RASAL2: variants seen among roughly 807,000 people sequenced by gnomAD.
RASAL2 encodes the protein RAS protein activator like 2, also known as ras GTPase-activating protein nGAP.
RASAL2 carries 58 observed loss-of-function variants against 128.9 expected under a neutral mutation model. That is an observed-to-expected ratio of 0.45 (90% CI 0.36 to 0.56). RASAL2 has a LOEUF of 0.56. RASAL2 is among the 20% of genes least tolerant of loss of function. The pLI is 0.00. For synonymous variants in RASAL2, 561 were observed against 580.8 expected, an observed-to-expected ratio of 0.97 and a Z score of 0.49; for missense variants, 1,360 against 1,601.6, an observed-to-expected ratio of 0.85 and a Z score of 2.57.
intron 3 of RASAL2, chr1:178,341,712 T>A (rs1227128446): frequency 6.6e-7 from 1 of 1,511,670 alleles, no homozygotes; most frequent in African/African-American, 1.4e-5. Flanking sequence ...ACCTTTATGA[T>A]TATTGGCTTT....
chr1:178,320,905 C>T (rs1395424850), intron 3 of RASAL2, among the ~76,000 whole-genome samples: 1 of 152,138 alleles, frequency 6.6e-6, no homozygotes, highest in Non-Finnish European at 1.5e-5. Context: ...TTGAGTTATT[C>T]CCAGTTAAGC....
intron 1 of RASAL2, among the ~76,000 whole-genome samples, chr1:178,166,136 G>A (rs1661508769): frequency 6.6e-6 from 1 of 152,132 alleles, no homozygotes; most frequent in Non-Finnish European, 1.5e-5. Flanking sequence ...TGTCCCTTGT[G>A]CTATAAATAA....
intron 3 of RASAL2, among the ~76,000 whole-genome samples, chr1:178,385,395 C>A (rs1284091393): frequency 1.3e-5 from 2 of 152,084 alleles, no homozygotes; most frequent in Non-Finnish European, 1.5e-5. Context: ...CCAGATCATA[C>A]CACTGCACTC....
At chr1:178,345,677 T>G (rs939419423) in intron 3 of RASAL2, among the ~76,000 whole-genome samples, 3 of 152,166 alleles carry the variant, frequency 2.0e-5, no homozygotes, top group African/African-American at 7.2e-5. Context: ...TCAATCACTC[T>G]TCTTTCCAGG....
chr1:178,356,028 G>A (rs1187002524), intron 3 of RASAL2, among the ~76,000 whole-genome samples: 2 of 152,012 alleles, frequency 1.3e-5, no homozygotes, highest in African/African-American at 4.8e-5. Context: ...AAATTAGCCG[G>A]GATGGTGGCG....
In RASAL2 at chr1:178,458,383, C is replaced by G. The variant is rs1297727789; in HGVS notation, c.3091C>G (p.His1031Asp). 10 of 1,614,104 alleles carry G rather than the reference C, an allele frequency of 6.2e-6. 1 individual carries two copies. The highest frequency in any genetic ancestry group is 7.6e-6 in the Non-Finnish European group (9 of 1,180,052). ...AGCCAAAGCCCCACCATCCCTGCCA[C>G]ACAGTGCTTCTTTACGTAGCACCGG... ...ARAKAPPSLP[H>D]SASLRSTGSM... The change falls in exon 14 of 18, where the codon CAC (histidine) becomes GAC (aspartate). Residue 1031 changes from histidine (H) to aspartate (D), a missense_variant. Physicochemically the swap from His to Asp is moderately conservative, Grantham distance 81. Around this residue, in one of 3 missense-constraint regions of RASAL2, gnomAD observed 741 missense variants for 868.6 expected, o/e 0.85. Coordinates refer to ENST00000367649, the MANE Select transcript of RASAL2 (RefSeq NM_170692.4).
intron 5 of RASAL2, among the ~76,000 whole-genome samples, chr1:178,427,675 G>C (rs1675598914): frequency 6.6e-6 from 1 of 152,000 alleles, no homozygotes. Flanking sequence ...CCCCAATAGT[G>C]AGGTCTTATA....
chr1:178,355,989 C>T (rs1156690667), intron 3 of RASAL2, among the ~76,000 whole-genome samples: 2 of 151,836 alleles, frequency 1.3e-5, no homozygotes, highest in Non-Finnish European at 2.9e-5. Flanking sequence ...GCCAGGATGG[C>T]GAAACCCCAT....
chr1:178,133,485 C>CTT (rs928071975), intron 1 of RASAL2, among the ~76,000 whole-genome samples: 19 of 137,070 alleles, frequency 1.4e-4, no homozygotes, highest in African/African-American at 4.3e-4. Context: ...CCTGTTACTT[C>CTT]TTTTTTTTTT....
chr1:178,365,179 A>C (rs1403189779), intron 3 of RASAL2, among the ~76,000 whole-genome samples: 1 of 152,112 alleles, frequency 6.6e-6, no homozygotes, highest in South Asian at 2.1e-4. Flanking sequence ...TCCTTGTTAC[A>C]TTGTGGCTTT....
At chr1:178,250,217 G>C (rs1402615289) in intron 1 of RASAL2, among the ~76,000 whole-genome samples, 1 of 152,160 alleles carries the variant, frequency 6.6e-6, no homozygotes, top group Non-Finnish European at 1.5e-5. Context: ...AGGGAGATGG[G>C]AGTTTTATCA....
At chr1:178,187,236 C>A (rs1008205053) in intron 1 of RASAL2, among the ~76,000 whole-genome samples, 1 of 152,108 alleles carries the variant, frequency 6.6e-6, no homozygotes, top group African/African-American at 2.4e-5. Context: ...TTTTCCCCCA[C>A]TCTGTTTTTC....
At chr1:178,246,177 T>C (rs1355437662) in intron 1 of RASAL2, among the ~76,000 whole-genome samples, 1 of 152,248 alleles carries the variant, frequency 6.6e-6, no homozygotes. Context: ...ATTTTCACGA[T>C]ATTGATTCTT....
At chr1:178,247,341 GT>G (rs150731833) in intron 1 of RASAL2, among the ~76,000 whole-genome samples, 40,706 of 151,342 alleles carry the variant, frequency 0.27, 6,274 homozygotes, top group African/African-American at 0.44. Context: ...TAGAATTTCC[GT>G]TTTTTTTGCA....
At chr1:178,157,882 A>G (rs1048866775) in intron 1 of RASAL2, among the ~76,000 whole-genome samples, 3 of 152,194 alleles carry the variant, frequency 2.0e-5, no homozygotes, top group African/African-American at 7.2e-5. Flanking sequence ...TAAAAATATC[A>G]ATATTTTATT....
intron 3 of RASAL2, among the ~76,000 whole-genome samples, chr1:178,301,304 G>A (rs1357158364): frequency 1.3e-5 from 2 of 152,092 alleles, no homozygotes; most frequent in Non-Finnish European, 2.9e-5. Flanking sequence ...CTAAAAACCT[G>A]TCTGGGTGTA....
At chr1:178,408,124 T>A (rs765369698) in intron 4 of RASAL2, among the ~76,000 whole-genome samples, 5 of 152,160 alleles carry the variant, frequency 3.3e-5, no homozygotes, top group Admixed American at 6.5e-5. Context: ...GTACCTTTTT[T>A]AAAAAAATAA....
intron 1 of RASAL2, among the ~76,000 whole-genome samples, chr1:178,120,716 T>C (rs1205714360): frequency 6.6e-6 from 1 of 152,206 alleles, no homozygotes; most frequent in Non-Finnish European, 1.5e-5. Context: ...TTGCAGCCAC[T>C]CACCAGCGCT....
chr1:178,450,351 C>T (rs1182256771), intron 9 of RASAL2, among the ~76,000 whole-genome samples: 1 of 151,998 alleles, frequency 6.6e-6, no homozygotes, highest in Admixed American at 6.6e-5. Context: ...TTTCCAGGCC[C>T]CACAGTCAGT....
Sources: allele counts gnomAD v4.1 joint callset (sites outside exome capture counted in the v4.1 genomes callset), GRCh38; gene constraint gnomAD v4.1.1; regional missense constraint gnomAD v4.1.1; transcripts MANE v1.5; gene names NCBI Gene and HGNC (gene_info 2026-07-23, HGNC 2026-07-21).